The following FBXW10B variants were observed in gnomAD, a reference collection of about 807,000 sequenced individuals.
FBXW10B encodes F-box and WD repeat domain containing protein 10B.
chr17:15,601,471 C>G, the FBXW10B span, among the ~76,000 whole-genome samples: 4,354 of 146,564 alleles, frequency 0.03, 142 homozygotes, highest in East Asian at 0.14. Flanking sequence ...GCTTTTAGAA[C>G]TAATAAGAGA....
At chr17:15,569,579 C>G in the FBXW10B span, among the ~76,000 whole-genome samples, 1 of 150,206 alleles carries the variant, frequency 6.7e-6, no homozygotes, top group Admixed American at 6.7e-5. Context: ...CCCACCTCAG[C>G]CTCCCAAGTA....
chr17:15,587,276 C>CA, the FBXW10B span, among the ~76,000 whole-genome samples: 1 of 151,218 alleles, frequency 6.6e-6, no homozygotes. Context: ...GAAGAGATGG[C>CA]CCAGGAACAG....
the FBXW10B span, chr17:15,615,580 T>C: frequency 6.2e-7 from 1 of 1,600,828 alleles, no homozygotes; most frequent in Non-Finnish European, 8.5e-7. Context: ...CCCAAAGTGC[T>C]GGGATTACAG....
At chr17:15,615,499 G>A in the FBXW10B span, 1 of 1,407,404 alleles carries the variant, frequency 7.1e-7, no homozygotes, top group Non-Finnish European at 9.4e-7. Flanking sequence ...ATTTTTAGTA[G>A]AGACGGGGTT....
At chr17:15,599,082 G>A in the FBXW10B span, among the ~76,000 whole-genome samples, 2 of 150,106 alleles carry the variant, frequency 1.3e-5, no homozygotes, top group Non-Finnish European at 2.9e-5. Flanking sequence ...GGCTGAGGCA[G>A]GAGAATTGCT....
the FBXW10B span, chr17:15,598,498 A>T: frequency 9.3e-6 from 15 of 1,613,444 alleles, no homozygotes; most frequent in Non-Finnish European, 1.2e-5. Context: ...GTCGGGGGAA[A>T]CTTCTTAGAA....
At chr17:15,583,876 C>T in the FBXW10B span, among the ~76,000 whole-genome samples, 1 of 152,018 alleles carries the variant, frequency 6.6e-6, no homozygotes, top group African/African-American at 2.4e-5. Context: ...TTTTAAGAAA[C>T]TCAATACTGT....
At chr17:15,609,898 C>T in the FBXW10B span, among the ~76,000 whole-genome samples, 2 of 132,038 alleles carry the variant, frequency 1.5e-5, no homozygotes, top group Non-Finnish European at 3.1e-5. Flanking sequence ...CGCTCTCTTG[C>T]CCAGGCTGGA....
the FBXW10B span, among the ~76,000 whole-genome samples, chr17:15,610,095 C>T: frequency 6.6e-6 from 1 of 152,080 alleles, no homozygotes; most frequent in Admixed American, 6.6e-5. Flanking sequence ...CTCCTGACCT[C>T]AGGTGATCCA....
chr17:15,605,373 A>G, the FBXW10B span: 2 of 1,586,392 alleles, frequency 1.3e-6, no homozygotes, highest in South Asian at 1.1e-5. Flanking sequence ...ATTAGATGAC[A>G]CAGCTATCAG....
At chr17:15,570,288 A>AAGAT in the FBXW10B span, among the ~76,000 whole-genome samples, 1 of 152,226 alleles carries the variant, frequency 6.6e-6, no homozygotes, top group South Asian at 2.1e-4. Flanking sequence ...AATGAACATC[A>AAGAT]AGATAGAGAG....
At chr17:15,608,431 A>T in the FBXW10B span, among the ~76,000 whole-genome samples, 1 of 151,268 alleles carries the variant, frequency 6.6e-6, no homozygotes, top group Non-Finnish European at 1.5e-5. Context: ...AAGTGCTGGG[A>T]TTACAGGCGT....
chr17:15,600,811 A>T, the FBXW10B span, among the ~76,000 whole-genome samples: 1 of 152,058 alleles, frequency 6.6e-6, no homozygotes, highest in Non-Finnish European at 1.5e-5. Flanking sequence ...GCACTTTGGT[A>T]GGCCGAGGTG....
At chr17:15,566,257 G>C in the FBXW10B span, 2 of 1,609,496 alleles carry the variant, frequency 1.2e-6, no homozygotes, top group African/African-American at 2.8e-5. Context: ...GAATTGGTCA[G>C]GTGACATAGG....
At chr17:15,593,367 G>C in the FBXW10B span, 1 of 1,614,158 alleles carries the variant, frequency 6.2e-7, no homozygotes, top group Non-Finnish European at 8.5e-7. Context: ...GGACAGCACA[G>C]GATCGCCTCT....
the FBXW10B span, chr17:15,595,055 A>G: frequency 2.9e-5 from 18 of 612,484 alleles, no homozygotes; most frequent in South Asian, 3.6e-4. Flanking sequence ...AAGAAGGCCA[A>G]TGGAGGCCGG....
At chr17:15,614,109 A>G in the FBXW10B span, 1 of 1,495,566 alleles carries the variant, frequency 6.7e-7, no homozygotes, top group Non-Finnish European at 9.1e-7. Context: ...AGTCCCCACC[A>G]AAAGCTCTCC....
chr17:15,601,198 A>G, the FBXW10B span, among the ~76,000 whole-genome samples: 1 of 150,380 alleles, frequency 6.6e-6, no homozygotes, highest in Non-Finnish European at 1.5e-5. Flanking sequence ...TCACAAGGTC[A>G]GGAGATCGAG....
At chr17:15,602,634 T>G in the FBXW10B span, among the ~76,000 whole-genome samples, 1 of 97,656 alleles carries the variant, frequency 1.0e-5, no homozygotes, top group Admixed American at 9.2e-5. Context: ...GTTTTTTTTT[T>G]TTTTTTTTTT....
Sources: gnomAD v4.1 joint callset for allele counts (sites outside exome capture counted in the v4.1 genomes callset) on GRCh38, gnomAD v4.1.1 for gene constraint, MANE v1.5 for transcripts, NCBI Gene and HGNC (gene_info 2026-07-23, HGNC 2026-07-21) for gene names.